BABAM2: variants seen among roughly 807,000 people sequenced by gnomAD.
BABAM2 encodes the protein BRISC and BRCA1 A complex member 2.
BABAM2 carries 31 observed loss-of-function variants against 54.7 expected under a neutral mutation model. The observed-to-expected ratio is 0.57, with a 90% CI of 0.43 to 0.77. The LOEUF is 0.77. BABAM2 is among the 30% of genes least tolerant of loss of function. BABAM2 has a pLI of 0.00. For synonymous variants in BABAM2, 167 were observed against 162.9 expected (o/e 1.03, Z -0.19); for missense variants, 364 against 455.8 (o/e 0.80, Z 1.83).
rs747836609 is a variant in BABAM2 at position 28,045,782 on chromosome 2, C to T, written c.553C>T (p.Pro185Ser). 1.6e-5 allele frequency: 26 copies of T among 1,608,392 alleles called. No homozygotes were observed. Among genetic ancestry groups the T allele is most frequent in the Non-Finnish European group, 2.2e-5 (26 of 1,176,474 alleles). Residue 185 changes from proline to serine, a missense_variant, in exon 6 of 12, where the codon CCC becomes TCC. Physicochemically the swap from Pro to Ser is moderately conservative, Grantham distance 74 (BLOSUM62 -1). Transcript: ENST00000379624. ...LKLPVDFSNI[P>S]TYLLKDVNED... is the part of the protein sequence containing the mutation. ...GCTGCCCGTAGATTTCAGCAATATC[C>T]CCACATACCTTCTCAAGGTAAAAAT...
At chr2:28,285,957 T>A (rs984442763) in intron 10 of BABAM2, among the ~76,000 whole-genome samples, 12 of 122,036 alleles carry the variant, frequency 9.8e-5, no homozygotes, top group African/African-American at 3.4e-4. Flanking sequence ...AATAATAACT[T>A]TTTTTTTTTT....
At chr2:28,040,291 A>ATTTTTTTTTTTTTTTTTTT (rs1204898070) in intron 5 of BABAM2, among the ~76,000 whole-genome samples, 4 of 97,234 alleles carry the variant, frequency 4.1e-5, no homozygotes, top group African/African-American at 7.5e-5. Context: ...GAAAAACTGA[A>ATTTTTTTTTTTTTTTTTTT]TTCTTTTTTT....
chr2:27,969,691 G>T (rs1671068652), intron 3 of BABAM2, among the ~76,000 whole-genome samples: 1 of 152,184 alleles, frequency 6.6e-6, no homozygotes, highest in South Asian at 2.1e-4. Context: ...CTCGGGACGG[G>T]GGAGGAGGTT....
chr2:28,204,632 A>G (rs1411590809), intron 7 of BABAM2, among the ~76,000 whole-genome samples: 6 of 152,132 alleles, frequency 3.9e-5, no homozygotes, highest in Admixed American at 2.6e-4. Flanking sequence ...CTCGGTGGGA[A>G]ATTTTTGAAT....
intron 6 of BABAM2, among the ~76,000 whole-genome samples, chr2:28,097,813 C>G (rs751661956): frequency 4.6e-5 from 7 of 152,202 alleles, no homozygotes; most frequent in Non-Finnish European, 1.0e-4. Flanking sequence ...GCTTAAGGCT[C>G]TAACTTACTC....
chr2:28,193,691 C>T (rs1479723242), intron 7 of BABAM2, among the ~76,000 whole-genome samples: 6 of 152,164 alleles, frequency 3.9e-5, no homozygotes, highest in East Asian at 1.9e-4. Flanking sequence ...AGTTACGTCA[C>T]GATGTAACTT....
intron 5 of BABAM2, among the ~76,000 whole-genome samples, chr2:28,026,927 A>AT (rs1675849057): frequency 5.0e-4 from 9 of 18,154 alleles, no homozygotes; most frequent in African/African-American, 1.3e-3. Context: ...AATATATATA[A>AT]ATATATATAT....
chr2:27,987,749 A>G (rs1036562351), intron 3 of BABAM2, among the ~76,000 whole-genome samples: 2 of 149,890 alleles, frequency 1.3e-5, no homozygotes, highest in Non-Finnish European at 3.0e-5. Context: ...TGGGAGGTCG[A>G]GGCTGCAGTG....
chr2:28,294,423 A>G (rs560049881), intron 10 of BABAM2, among the ~76,000 whole-genome samples: 21 of 152,066 alleles, frequency 1.4e-4, no homozygotes, highest in African/African-American at 4.8e-4. Flanking sequence ...TAAAGTGTTC[A>G]ATTTTGATAT....
intron 7 of BABAM2, among the ~76,000 whole-genome samples, chr2:28,177,987 A>G (rs1675197031): frequency 6.6e-6 from 1 of 152,160 alleles, no homozygotes; most frequent in South Asian, 2.1e-4. Flanking sequence ...TGGAGCACCC[A>G]GAGTTATAAA....
chr2:27,986,166 C>G (rs781376427), intron 3 of BABAM2, among the ~76,000 whole-genome samples: 1 of 152,022 alleles, frequency 6.6e-6, no homozygotes, highest in Non-Finnish European at 1.5e-5. Context: ...TGCTTTTACT[C>G]CATTTGATAT....
intron 11 of BABAM2, among the ~76,000 whole-genome samples, chr2:28,315,232 T>TTTTG (rs143488300): frequency 0.021 from 3,155 of 151,986 alleles, 116 homozygotes; most frequent in African/African-American, 0.071. Context: ...TAGTAGAGTT[T>TTTTG]TTTGTTTGTT....
intron 6 of BABAM2, among the ~76,000 whole-genome samples, chr2:28,052,878 G>C (rs1189921257): frequency 6.6e-6 from 1 of 152,176 alleles, no homozygotes; most frequent in African/African-American, 2.4e-5. Context: ...CTTAGGAACA[G>C]GGGAGGATTT....
intron 3 of BABAM2, among the ~76,000 whole-genome samples, chr2:27,963,484 A>G (rs865911499): frequency 6.6e-6 from 1 of 151,092 alleles, no homozygotes; most frequent in Admixed American, 6.6e-5. Context: ...AAAAAAAAAA[A>G]AAAAAAAAAG....
chr2:28,303,122 A>T (rs1688240635), intron 11 of BABAM2, among the ~76,000 whole-genome samples: 1 of 152,044 alleles, frequency 6.6e-6, no homozygotes, highest in African/African-American at 2.4e-5. Context: ...GCAGCCTCCC[A>T]AAATCTTGGG....
At chr2:28,057,438 A>G (rs1200104723) in intron 6 of BABAM2, among the ~76,000 whole-genome samples, 1 of 152,200 alleles carries the variant, frequency 6.6e-6, no homozygotes, top group Non-Finnish European at 1.5e-5. Context: ...GGGGATTGGA[A>G]CCATATAGCA....
chr2:27,913,864 C>G (rs1172361974), intron 2 of BABAM2, among the ~76,000 whole-genome samples: 1 of 152,168 alleles, frequency 6.6e-6, no homozygotes, highest in Non-Finnish European at 1.5e-5. Flanking sequence ...ATTTGGGTAA[C>G]ACTTCAGTTT....
At chr2:28,262,779 G>A (rs993841928) in intron 10 of BABAM2, among the ~76,000 whole-genome samples, 1 of 152,142 alleles carries the variant, frequency 6.6e-6, no homozygotes, top group Non-Finnish European at 1.5e-5. Flanking sequence ...GCTTAACCTA[G>A]AGTCCATTCC....
At chr2:28,010,435 C>G (rs1674304118) in intron 4 of BABAM2, among the ~76,000 whole-genome samples, 1 of 152,012 alleles carries the variant, frequency 6.6e-6, no homozygotes, top group Admixed American at 6.6e-5. Context: ...GGAAGCTACT[C>G]AATTTTTGTC....
Sources: allele counts gnomAD v4.1 joint callset (sites outside exome capture counted in the v4.1 genomes callset), GRCh38; gene constraint gnomAD v4.1.1; transcripts MANE v1.5; gene names NCBI Gene and HGNC (gene_info 2026-07-23, HGNC 2026-07-21).